ADCY5: variants seen among roughly 807,000 people sequenced by gnomAD.
ADCY5 encodes adenylate cyclase type 5.
ADCY5 carries 30 observed loss-of-function variants against 119.7 expected under a neutral mutation model. The observed-to-expected ratio is 0.25, with a 90% CI of 0.19 to 0.34. ADCY5 has a LOEUF of 0.34. Ranked by LOEUF, ADCY5 falls within the 10% of genes least tolerant of loss-of-function variation. ADCY5 has a pLI of 1.00. For missense variants in ADCY5, 1,324 were observed against 1,775.2 expected (o/e 0.75, Z 4.57); for synonymous variants, 753 against 762.2 (o/e 0.99, Z 0.20).
At chr3:123,408,492 C>T (rs963556641) in intron 1 of ADCY5, among the ~76,000 whole-genome samples, 1 of 150,330 alleles carries the variant, frequency 6.7e-6, no homozygotes, top group Non-Finnish European at 1.5e-5. Flanking sequence ...CCCATCTCTA[C>T]TAAAAATACA....
intron 1 of ADCY5, among the ~76,000 whole-genome samples, chr3:123,430,157 A>G (rs966723909): frequency 1.3e-5 from 2 of 152,216 alleles, no homozygotes; most frequent in African/African-American, 4.8e-5. Context: ...AGCATTCCAT[A>G]TCTTTCAGTT....
intron 2 of ADCY5, among the ~76,000 whole-genome samples, chr3:123,348,140 C>T (rs147093359): frequency 1.6e-3 from 246 of 151,458 alleles, no homozygotes; most frequent in African/African-American, 5.7e-3. Context: ...CTAATCCTTC[C>T]GCCTCCCTCG....
chr3:123,359,331 A>ATATATATATATATATATATAT (rs1943154404), intron 1 of ADCY5, among the ~76,000 whole-genome samples: 4 of 109,766 alleles, frequency 3.6e-5, no homozygotes, highest in African/African-American at 1.5e-4. Context: ...CTTATACTAA[A>ATATATATATATATATATATAT]ATATATATAT....
At chr3:123,420,952 T>C (rs1286947447) in intron 1 of ADCY5, among the ~76,000 whole-genome samples, 3 of 152,184 alleles carry the variant, frequency 2.0e-5, no homozygotes, top group African/African-American at 7.2e-5. Context: ...GTTCTCTCCC[T>C]GTCTTCAGGT....
In ADCY5 at chr3:123,425,601, A is replaced by G. The variant is rs1339145321; in HGVS notation, c.1134+21811T>C. On this transcript the variant is annotated intron_variant, in intron 1 of 20. Transcript: ENST00000462833. ...AAACCATCCACAGCTTATTTACCAG[A>G]TCCTCTAGAGCAGTCCCCAGAAGGG... 2.0e-5 allele frequency among the ~76,000 whole-genome samples: 3 copies of G among 152,152 alleles called. No homozygotes were observed. In the East Asian group the frequency reaches 5.8e-4, roughly 29 times the overall value.
At chr3:123,293,839 G>C (rs927732480) in intron 17 of ADCY5, among the ~76,000 whole-genome samples, 1 of 152,090 alleles carries the variant, frequency 6.6e-6, no homozygotes, top group Non-Finnish European at 1.5e-5. Context: ...TACAAGCAGC[G>C]AGCACACCAA....
chr3:123,437,222 G>A (rs1406405863), intron 1 of ADCY5, among the ~76,000 whole-genome samples: 2 of 152,098 alleles, frequency 1.3e-5, no homozygotes, highest in Admixed American at 6.5e-5. Flanking sequence ...CCCCAACCCC[G>A]AGGTCAAACG....
intron 1 of ADCY5, among the ~76,000 whole-genome samples, chr3:123,396,120 G>A (rs1196287352): frequency 7.4e-6 from 1 of 134,324 alleles, no homozygotes; most frequent in Non-Finnish European, 1.6e-5. Flanking sequence ...GAAAGAAAGA[G>A]AGGGCAAGAG....
intron 3 of ADCY5, among the ~76,000 whole-genome samples, chr3:123,340,801 C>G (rs535322635): frequency 6.6e-6 from 1 of 152,214 alleles, no homozygotes; most frequent in East Asian, 1.9e-4. Flanking sequence ...TATGATCCAG[C>G]AATGCCATTC....
intron 1 of ADCY5, among the ~76,000 whole-genome samples, chr3:123,370,689 A>G (rs375150055): frequency 6.6e-6 from 1 of 152,192 alleles, no homozygotes; most frequent in East Asian, 1.9e-4. Flanking sequence ...TCTTAAGGCC[A>G]CTGTATTTTG....
At chr3:123,315,740 T>C (rs1359986899) in intron 11 of ADCY5, among the ~76,000 whole-genome samples, 1 of 152,182 alleles carries the variant, frequency 6.6e-6, no homozygotes, top group Non-Finnish European at 1.5e-5. Flanking sequence ...CATACCTAGC[T>C]GATTTTTGCG....
chr3:123,284,528 C>A lies in ADCY5; in HGVS notation c.*80G>T. 1 of 1,579,772 alleles carries A rather than the reference C, an allele frequency of 6.3e-7. No homozygotes were observed. The highest frequency in any genetic ancestry group is 1.7e-5 in the Admixed American group (1 of 58,688). On this transcript the variant is annotated 3_prime_UTR_variant, in exon 21 of 21. Coordinates refer to ENST00000462833, the MANE Select transcript of ADCY5 (RefSeq NM_183357.3). ...AGCCCTGCGGGCTGGAGCATGGCTT[C>A]CCCGCCACCCCCGGCACACAGAGAA...
Position 123,319,693 on chromosome 3 carries a change from T to C in ADCY5, c.2237A>G (p.Glu746Gly). ...HVRKFLLTFR[E>G]PDLEKKYSKQ... ...CTGTACCTTCTTCTCTAAGTCAGGC[T>C]CCCTGAAGGTCAGGAGGAACTTGCG... is the stretch of plus-strand genomic sequence containing the variant. Residue 746 changes from glutamate (E) to glycine (G), a missense_variant, in exon 10 of 21, where the codon GAG (glutamate) becomes GGG (glycine). Glu to Gly is a moderately conservative substitution (Grantham distance 98). Around this residue, in one of 6 missense-constraint regions of ADCY5, gnomAD observed 424 missense variants for 546.8 expected, o/e 0.78. Transcript: ENST00000462833. The C allele has an allele frequency of 6.2e-7, 1 of 1,614,170 alleles. No homozygotes were observed. The highest frequency in any genetic ancestry group is 8.5e-7 in the Non-Finnish European group (1 of 1,180,024).
chr3:123,313,396 C>T (rs906590059), intron 12 of ADCY5, among the ~76,000 whole-genome samples: 4 of 152,308 alleles, frequency 2.6e-5, no homozygotes, highest in South Asian at 4.1e-4. Flanking sequence ...GCCCCACCGC[C>T]CACCCCAGAG....
chr3:123,347,991 G>A (rs1942636734), intron 2 of ADCY5, 88 bp from the exon 3 acceptor site: 2 of 1,532,552 alleles, frequency 1.3e-6, no homozygotes, highest in Non-Finnish European at 1.8e-6. Flanking sequence ...CCTGCCTGAG[G>A]GCCCTGGAAA....
chr3:123,365,516 T>C (rs1240769782), intron 1 of ADCY5, among the ~76,000 whole-genome samples: 2 of 152,166 alleles, frequency 1.3e-5, no homozygotes, highest in Non-Finnish European at 1.5e-5. Flanking sequence ...AAGCAAGGCA[T>C]CTGCAAGGAG....
At chr3:123,304,028 G>A (rs1444738802) in intron 13 of ADCY5, 39 bp downstream of exon 13, 2 of 1,379,078 alleles carry the variant, frequency 1.5e-6, no homozygotes, top group Non-Finnish European at 2.1e-6. Flanking sequence ...TTGATCCAAT[G>A]GGGCTGCGGA....
chr3:123,387,466 T>C, intron 1 of ADCY5, among the ~76,000 whole-genome samples: 1 of 152,120 alleles, frequency 6.6e-6, no homozygotes, highest in Non-Finnish European at 1.5e-5. Context: ...TTGCCCAGGA[T>C]TTTATCAGCA....
chr3:123,362,205 C>T (rs778923296), intron 1 of ADCY5, among the ~76,000 whole-genome samples: 10 of 152,162 alleles, frequency 6.6e-5, no homozygotes, highest in South Asian at 2.1e-4. Context: ...CTGGGTCACA[C>T]GGCAACTCTA....
Sources: gnomAD v4.1 joint callset for allele counts (sites outside exome capture counted in the v4.1 genomes callset) on GRCh38, gnomAD v4.1.1 for gene constraint, gnomAD v4.1.1 regional missense constraint, MANE v1.5 for transcripts, NCBI Gene and HGNC (gene_info 2026-07-23, HGNC 2026-07-21) for gene names.